The following KRT8 variants were observed in gnomAD, a reference collection of about 807,000 sequenced individuals.
The protein encoded by KRT8 is keratin 8.
Under a neutral mutation model 43.0 loss-of-function variants are expected in KRT8, and 24 were observed. The observed-to-expected ratio is 0.56, with a 90% CI of 0.40 to 0.78. The LOEUF (loss-of-function observed/expected upper bound fraction) is 0.78. Ranked by LOEUF, KRT8 falls within the 30% of genes least tolerant of loss-of-function variation. The pLI, the probability that KRT8 is intolerant of heterozygous loss-of-function variation, is 0.00. For missense variants in KRT8, 492 were observed against 638.4 expected, an observed-to-expected ratio of 0.77 and a Z score of 2.47; for synonymous variants, 214 against 261.2, an observed-to-expected ratio of 0.82 and a Z score of 1.74.
At chr12:52,933,951 C>T (rs887433807) in intron 2 of KRT8, among the ~76,000 whole-genome samples, 1 of 151,308 alleles carries the variant, frequency 6.6e-6, no homozygotes, top group Non-Finnish European at 1.5e-5. Context: ...AAAGAATAGC[C>T]GGGAACGGTG....
chr12:52,898,027 G>A (rs764943970), intron 7 of KRT8, among the ~76,000 whole-genome samples: 4 of 152,180 alleles, frequency 2.6e-5, no homozygotes, highest in Non-Finnish European at 4.4e-5. Context: ...AGCTGGGCAT[G>A]GTGGTATGCG....
At chr12:52,919,602 A>G (rs2120654721) in intron 2 of KRT8, among the ~76,000 whole-genome samples, 1 of 151,632 alleles carries the variant, frequency 6.6e-6, no homozygotes, top group African/African-American at 2.4e-5. Context: ...ACCAAGTGTC[A>G]AAGTGTCAGA....
At chr12:52,906,790 G>A (rs920275472), upstream of KRT8, 3 of 455,698 alleles carry the variant, frequency 6.6e-6, no homozygotes, top group Middle Eastern at 3.2e-4. Flanking sequence ...CCCAGGGAAG[G>A]GGGTGACCAC....
At chr12:52,926,261 T>C in intron 2 of KRT8, 1 of 653,770 alleles carries the variant, frequency 1.5e-6, no homozygotes, top group Admixed American at 2.6e-5. Context: ...GAGCTTCCCG[T>C]TGCCTTCAGA....
At position 52,897,638 on chromosome 12, in the gene KRT8, G is replaced by A; in HGVS notation, c.1262-20C>T. On this transcript the variant is annotated intron_variant, in intron 7 of 7. Transcript: ENST00000692008. ...GACCACCTGGTGAGGGACAGAGGTA[G>A]CCACATGAGTACAGAAGCCCACCCC... The A allele has an allele frequency of 6.3e-7, 1 of 1,597,916 alleles. No individual in the cohort carries two copies. Among genetic ancestry groups the A allele is most frequent in the South Asian group, 1.1e-5 (1 of 91,002 alleles).
rs191792994 is a variant in KRT8, at chr12:52,940,808, A to G, written c.-47+8648T>C. ...GCCCCGCTAATTTTTTTGTATTTTTAGTAGAGATGGGGTTTCACCATCTTG... is the reference window on the plus strand; with the variant it reads ...GCCCCGCTAATTTTTTTGTATTTTTGGTAGAGATGGGGTTTCACCATCTTG... On this transcript the variant is annotated intron_variant, in intron 2 of 6. Transcript: ENST00000546826. 2.6e-3 allele frequency among the ~76,000 whole-genome samples: 398 copies of G among 151,484 alleles called. 2 individuals carry two copies. Among genetic ancestry groups the G allele is most frequent in the African/African-American group, 9.3e-3 (386 of 41,290 alleles).
upstream of KRT8, among the ~76,000 whole-genome samples, chr12:52,908,945 G>T (rs185177325): frequency 6.6e-6 from 1 of 152,174 alleles, no homozygotes; most frequent in Non-Finnish European, 1.5e-5. Flanking sequence ...AGTTGAGGCC[G>T]CATGCATTGA....
upstream of KRT8, among the ~76,000 whole-genome samples, chr12:52,907,872 G>A (rs558167569): frequency 1.3e-5 from 2 of 152,240 alleles, no homozygotes; most frequent in South Asian, 4.1e-4. Context: ...GGGCCAAGTG[G>A]TGAGGGAAGA....
At chr12:52,909,236 C>A, upstream of KRT8, among the ~76,000 whole-genome samples, 1 of 152,304 alleles carries the variant, frequency 6.6e-6, no homozygotes, top group East Asian at 1.9e-4. Flanking sequence ...GGGAAAGAAG[C>A]AAAGAGTTTG....
intron 2 of KRT8, among the ~76,000 whole-genome samples, chr12:52,916,551 G>A (rs1039544014): frequency 1.3e-5 from 2 of 152,318 alleles, no homozygotes; most frequent in East Asian, 1.9e-4. Context: ...TTCCTCCAGC[G>A]TCTGTGTCTG....
chr12:52,908,758 C>T (rs1941573689), upstream of KRT8, among the ~76,000 whole-genome samples: 1 of 152,158 alleles, frequency 6.6e-6, no homozygotes, highest in South Asian at 2.1e-4. Flanking sequence ...ATAATCCCAG[C>T]ACTTTGGGAG....
At chr12:52,907,448 G>A (rs529469575), upstream of KRT8, among the ~76,000 whole-genome samples, 22 of 152,282 alleles carry the variant, frequency 1.4e-4, no homozygotes, top group South Asian at 4.1e-3. Flanking sequence ...GGGGCACTCA[G>A]GTCCTGATCT....
chr12:52,948,883 G>A (rs1391470488), intron 2 of KRT8: 1 of 424,724 alleles, frequency 2.4e-6, no homozygotes, highest in Non-Finnish European at 4.1e-6. Context: ...AGCCTCGAGG[G>A]CCAACAACAC....
At chr12:52,902,749 C>G (rs1675693610) in intron 1 of KRT8, among the ~76,000 whole-genome samples, 2 of 152,010 alleles carry the variant, frequency 1.3e-5, no homozygotes, top group South Asian at 2.1e-4. Flanking sequence ...TGGAGGCTCA[C>G]GCTTGTAATC....
At chr12:52,926,552 G>T in intron 2 of KRT8, 1 of 1,154,900 alleles carries the variant, frequency 8.7e-7, no homozygotes, top group Non-Finnish European at 1.2e-6. Flanking sequence ...GAGACCCCAA[G>T]AATAGGGCTT....
chr12:52,925,375 T>C (rs1941969176), intron 2 of KRT8, among the ~76,000 whole-genome samples: 1 of 152,152 alleles, frequency 6.6e-6, no homozygotes, highest in African/African-American at 2.4e-5. Context: ...TGGGAGAGAC[T>C]GTGGGCCCCG....
chr12:52,900,292 G>C (rs1734304469), intron 4 of KRT8, among the ~76,000 whole-genome samples: 1 of 152,128 alleles, frequency 6.6e-6, no homozygotes, highest in Non-Finnish European at 1.5e-5. Flanking sequence ...AGGGCTTTGG[G>C]GACAGAGTTG....
At chr12:52,928,831 G>C (rs1203972208) in intron 2 of KRT8, among the ~76,000 whole-genome samples, 1 of 152,154 alleles carries the variant, frequency 6.6e-6, no homozygotes, top group Non-Finnish European at 1.5e-5. Flanking sequence ...GCTTGACCCC[G>C]GGAGGTGGAG....
intron 2 of KRT8, among the ~76,000 whole-genome samples, chr12:52,914,517 A>T (rs56187046): frequency 0.012 from 1,885 of 152,308 alleles, 45 homozygotes; most frequent in African/African-American, 0.04. Context: ...AGCCTGGGCA[A>T]CAACAGTGAA....
Sources: allele counts gnomAD v4.1 joint callset (sites outside exome capture counted in the v4.1 genomes callset), GRCh38; gene constraint gnomAD v4.1.1; transcripts MANE v1.5; gene names NCBI Gene and HGNC (gene_info 2026-07-23, HGNC 2026-07-21).